DOCK1: variants seen among roughly 807,000 people sequenced by gnomAD.
DOCK1 encodes the protein dedicator of cytokinesis protein 1.
In DOCK1, 138 loss-of-function variants were observed where a neutral mutation model predicts 262.7. The observed-to-expected ratio is 0.53, with a 90% CI of 0.46 to 0.61. DOCK1 has a LOEUF of 0.61. DOCK1 is among the 20% of genes least tolerant of loss of function. The pLI is 0.00. For synonymous variants in DOCK1, 866 were observed against 867.4 expected, an observed-to-expected ratio of 1.00 and a Z score of 0.03; for missense variants, 1,908 against 2,370.7, an observed-to-expected ratio of 0.80 and a Z score of 4.05.
chr10:126,973,694 CTT>C, intron 2 of DOCK1, among the ~76,000 whole-genome samples: 1 of 152,240 alleles, frequency 6.6e-6, no homozygotes, highest in African/African-American at 2.4e-5. Context: ...ATAGTTTTGA[CTT>C]TGGGGAGTGT....
chr10:126,968,419 C>A (rs1554963562), intron 1 of DOCK1, among the ~76,000 whole-genome samples: 1 of 151,988 alleles, frequency 6.6e-6, no homozygotes, highest in Non-Finnish European at 1.5e-5. Flanking sequence ...TTTTTTCTTA[C>A]CTACAAAATC....
chr10:127,208,117 G>C (rs1409753050), intron 27 of DOCK1, among the ~76,000 whole-genome samples: 1 of 152,196 alleles, frequency 6.6e-6, no homozygotes, highest in Non-Finnish European at 1.5e-5. Context: ...GTTAGTATTT[G>C]AGTAAGAAAC....
At chr10:127,154,737 G>C (rs2052866935) in intron 27 of DOCK1, among the ~76,000 whole-genome samples, 1 of 152,146 alleles carries the variant, frequency 6.6e-6, no homozygotes, top group Non-Finnish European at 1.5e-5. Context: ...GGCCTTTGTA[G>C]GGGAGGTTGC....
At chr10:127,184,595 CTTA>C (rs1476960586) in intron 27 of DOCK1, among the ~76,000 whole-genome samples, 1 of 151,426 alleles carries the variant, frequency 6.6e-6, no homozygotes, top group Admixed American at 6.6e-5. Flanking sequence ...CAAAGAGTCT[CTTA>C]TTATAAGATC....
At chr10:126,946,921 A>G (rs1319268604) in intron 1 of DOCK1, among the ~76,000 whole-genome samples, 1 of 152,208 alleles carries the variant, frequency 6.6e-6, no homozygotes, top group Non-Finnish European at 1.5e-5. Flanking sequence ...GTCACAGCGG[A>G]CAGGCTCACT....
At chr10:126,989,181 G>A (rs1414008523) in intron 5 of DOCK1, among the ~76,000 whole-genome samples, 1 of 152,094 alleles carries the variant, frequency 6.6e-6, no homozygotes, top group Non-Finnish European at 1.5e-5. Context: ...AGAGAAGGCA[G>A]CGTGGATATT....
Position 127,229,584 on chromosome 10 carries a change from A to G in DOCK1, c.2848-18424A>G, listed in dbSNP as rs1043084044. ...GGTATTTCCACCTTTTTTAAGGCTG[A>G]ACAGTACTCCACTGTGTTTTTAGAT... On this transcript the variant is annotated intron_variant, in intron 27 of 51. Transcript: ENST00000623213. Among the ~76,000 whole-genome samples, 3 of 152,144 alleles carry G rather than the reference A, an allele frequency of 2.0e-5. No individual in the cohort carries two copies. The East Asian group carries it at 5.8e-4, about 29-fold the overall frequency.
chr10:127,185,961 A>G (rs190037843), intron 27 of DOCK1, among the ~76,000 whole-genome samples: 2 of 152,176 alleles, frequency 1.3e-5, no homozygotes, highest in Non-Finnish European at 2.9e-5. Flanking sequence ...ATATTACTCA[A>G]CTTTCTTCTT....
intron 27 of DOCK1, among the ~76,000 whole-genome samples, chr10:127,241,876 C>A (rs1374204695): frequency 6.6e-6 from 1 of 152,026 alleles, no homozygotes; most frequent in Non-Finnish European, 1.5e-5. Flanking sequence ...GTTGGAGAGC[C>A]CCTCACTGGA....
intron 29 of DOCK1, among the ~76,000 whole-genome samples, chr10:127,280,891 T>G (rs1427398420): frequency 6.6e-6 from 1 of 152,214 alleles, no homozygotes; most frequent in Non-Finnish European, 1.5e-5. Context: ...GGTAAAATAG[T>G]GCAAAGGAAG....
intron 27 of DOCK1, among the ~76,000 whole-genome samples, chr10:127,185,254 C>T (rs1396005180): frequency 6.6e-6 from 1 of 152,158 alleles, no homozygotes; most frequent in Non-Finnish European, 1.5e-5. Flanking sequence ...ACTGGCCAGG[C>T]ACGGTGGCTC....
chr10:126,986,689 C>T (rs1048554597), intron 4 of DOCK1, among the ~76,000 whole-genome samples: 3 of 152,208 alleles, frequency 2.0e-5, no homozygotes, highest in East Asian at 1.9e-4. Flanking sequence ...GTGGGAGTAT[C>T]ACCTGAAGTC....
chr10:126,941,612 C>A (rs1364113357), intron 1 of DOCK1, among the ~76,000 whole-genome samples: 3 of 152,060 alleles, frequency 2.0e-5, no homozygotes, highest in African/African-American at 7.2e-5. Flanking sequence ...AAAAATTAGC[C>A]AGGCGTGGTG....
At chr10:127,351,185 G>T (rs1275861065) in intron 31 of DOCK1, among the ~76,000 whole-genome samples, 2 of 152,142 alleles carry the variant, frequency 1.3e-5, no homozygotes, top group Non-Finnish European at 2.9e-5. Flanking sequence ...TGGGATCCCA[G>T]ATCTCCCTGG....
At chr10:127,211,459 C>T (rs375705971) in intron 27 of DOCK1, among the ~76,000 whole-genome samples, 142 of 152,272 alleles carry the variant, frequency 9.3e-4, no homozygotes, top group Admixed American at 2.2e-3. Context: ...TTATAGACAT[C>T]GCCATCCCCT....
chr10:127,422,483 T>C (rs2068578876), intron 46 of DOCK1, among the ~76,000 whole-genome samples: 1 of 152,136 alleles, frequency 6.6e-6, no homozygotes, highest in Non-Finnish European at 1.5e-5. Context: ...TTTTAAGTAA[T>C]AGCCATTTTA....
chr10:127,222,634 TTGTGTTGTGTTGTG>T (rs1397153002), intron 27 of DOCK1, among the ~76,000 whole-genome samples: 27 of 12,848 alleles, frequency 2.1e-3, no homozygotes, highest in African/African-American at 4.7e-3. Context: ...TTGTTTTGTG[TTGTGTTGTGTTGTG>T]TTGTGTTGTG....
Position 126,995,486 on chromosome 10 carries a change from G to A in DOCK1, c.474-1262G>A, listed in dbSNP as rs562557428. On this transcript the variant is annotated intron_variant, in intron 6 of 51. Transcript: ENST00000623213. This position sits in a 1 kb window ranked among gnomAD's most constrained non-coding sequence, Gnocchi z 5.8. ...AAACCCCGTCTCCATCAAAAAATAC[G>A]AAAACCAGTCAGGTGTGGCGGCGCG... Among the ~76,000 whole-genome samples the A allele has an allele frequency of 6.6e-5, 10 of 152,294 alleles. No homozygotes were observed. The highest frequency in any genetic ancestry group is 9.6e-5 in the African/African-American group (4 of 41,584).
chr10:127,438,421 G>A (rs899086277), intron 48 of DOCK1, among the ~76,000 whole-genome samples: 3 of 152,162 alleles, frequency 2.0e-5, no homozygotes, highest in African/African-American at 4.8e-5. Flanking sequence ...CAGAGGTTAC[G>A]AGGACATCAA....
Sources: allele counts gnomAD v4.1 joint callset (sites outside exome capture counted in the v4.1 genomes callset), GRCh38; gene constraint gnomAD v4.1.1; non-coding constraint Gnocchi (gnomAD v3.1); transcripts MANE v1.5; gene names NCBI Gene and HGNC (gene_info 2026-07-23, HGNC 2026-07-21).